The following TP63 variants were observed in gnomAD, a reference collection of about 807,000 sequenced individuals.
The protein encoded by TP63 is tumor protein p63.
A neutral mutation model predicts 82.8 loss-of-function variants in TP63; 17 were observed. That is an observed-to-expected ratio of 0.21 (90% confidence interval 0.14 to 0.31). TP63 has a LOEUF of 0.31. Ranked by LOEUF, TP63 falls within the 10% of genes least tolerant of loss-of-function variation. The pLI is 1.00. For synonymous variants in TP63, 330 were observed against 321.7 expected (o/e 1.03, Z -0.28); for missense variants, 648 against 895.3 (o/e 0.72, Z 3.52).
At chr3:189,768,899 C>G (rs887928517) in intron 3 of TP63, among the ~76,000 whole-genome samples, 3 of 152,104 alleles carry the variant, frequency 2.0e-5, no homozygotes, top group Non-Finnish European at 4.4e-5. Flanking sequence ...TAGGTATGTT[C>G]ACGAAGATGA....
intron 3 of TP63, among the ~76,000 whole-genome samples, chr3:189,770,339 G>C (rs527613711): frequency 1.3e-5 from 2 of 152,232 alleles, no homozygotes; most frequent in South Asian, 4.1e-4. Context: ...AGCACTTTGG[G>C]AGGCCGAGGC....
chr3:189,750,867 G>T (rs966383503), intron 3 of TP63, among the ~76,000 whole-genome samples: 1 of 151,916 alleles, frequency 6.6e-6, no homozygotes, highest in African/African-American at 2.4e-5. Flanking sequence ...TGTGCACCAC[G>T]TGTAGGTTTG....
At chr3:189,776,816 C>T (rs371814984) in intron 3 of TP63, among the ~76,000 whole-genome samples, 45 of 152,308 alleles carry the variant, frequency 3.0e-4, no homozygotes, top group East Asian at 1.9e-3. Context: ...GGACTTGGCA[C>T]ACTTCTCTAC....
chr3:189,884,191 C>T (rs149893823), intron 10 of TP63, among the ~76,000 whole-genome samples: 3 of 152,244 alleles, frequency 2.0e-5, no homozygotes, highest in African/African-American at 7.2e-5. Flanking sequence ...TACTGCCTTG[C>T]CCCAAGCTTT....
intron 3 of TP63, among the ~76,000 whole-genome samples, chr3:189,772,433 A>G (rs1400653520): frequency 2.0e-5 from 3 of 152,230 alleles, no homozygotes; most frequent in Non-Finnish European, 4.4e-5. Flanking sequence ...TAGATGCTGT[A>G]TAAAATCTCT....
At chr3:189,867,110 G>C (rs554323455) in intron 6 of TP63, among the ~76,000 whole-genome samples, 2 of 152,276 alleles carry the variant, frequency 1.3e-5, no homozygotes, top group South Asian at 4.1e-4. Context: ...AGTTGGACGG[G>C]TAGTGGATAA....
At chr3:189,712,202 C>T (rs538584444) in intron 1 of TP63, among the ~76,000 whole-genome samples, 5 of 152,226 alleles carry the variant, frequency 3.3e-5, no homozygotes, top group East Asian at 1.9e-4. Context: ...GAAACAGACA[C>T]GTAAACAACT....
chr3:189,621,862 C>T, the TP63 span, among the ~76,000 whole-genome samples: 1 of 152,132 alleles, frequency 6.6e-6, no homozygotes, highest in Non-Finnish European at 1.5e-5. Flanking sequence ...AAATCAGTAG[C>T]AGAGCAACAG....
At chr3:189,720,487 C>G (rs1411987094) in intron 1 of TP63, among the ~76,000 whole-genome samples, 3 of 152,080 alleles carry the variant, frequency 2.0e-5, no homozygotes, top group Non-Finnish European at 4.4e-5. Context: ...TGAATCCCAG[C>G]ACTTTGGGAG....
At chr3:189,676,646 A>C (rs1015983302) in intron 1 of TP63, among the ~76,000 whole-genome samples, 2 of 152,134 alleles carry the variant, frequency 1.3e-5, no homozygotes, top group East Asian at 3.9e-4. Flanking sequence ...TTACATGGAT[A>C]CATTGGATAG....
At chr3:189,775,048 G>C (rs991947396) in intron 3 of TP63, among the ~76,000 whole-genome samples, 1 of 151,800 alleles carries the variant, frequency 6.6e-6, no homozygotes, top group Non-Finnish European at 1.5e-5. Flanking sequence ...GTGAAACCTC[G>C]TCTCTACTAC....
chr3:189,607,451 G>T, the TP63 span, among the ~76,000 whole-genome samples: 2 of 152,094 alleles, frequency 1.3e-5, no homozygotes, highest in African/African-American at 2.4e-5. Flanking sequence ...AAGGTTATTT[G>T]TGAGAAGGTA....
intron 1 of TP63, among the ~76,000 whole-genome samples, chr3:189,721,497 C>T (rs117713100): frequency 0.011 from 1,684 of 151,818 alleles, 24 homozygotes; most frequent in East Asian, 0.058. Context: ...CTGCATTGCC[C>T]GTTGTGATTG....
rs372497938 is a variant in TP63, at chr3:189,770,315, A to G, written c.324+31541A>G. 1.4e-3 allele frequency among the ~76,000 whole-genome samples: 218 copies of G among 152,330 alleles called. 1 individual carries two copies. Among genetic ancestry groups the G allele is most frequent in the African/African-American group, 5.1e-3 (212 of 41,570 alleles). On this transcript the variant is annotated intron_variant, in intron 3 of 13. Transcript: ENST00000264731. ...TATTTTGGGCCGGGTATGGTGACTCATGCCTGCAATCCCAGCACTTTGGGA... is the reference window on the plus strand; with the variant it reads ...TATTTTGGGCCGGGTATGGTGACTCGTGCCTGCAATCCCAGCACTTTGGGA...
chr3:189,725,300 TA>T (rs1719692447), intron 1 of TP63, among the ~76,000 whole-genome samples: 1 of 152,178 alleles, frequency 6.6e-6, no homozygotes, highest in Non-Finnish European at 1.5e-5. Context: ...ACAGACCCTG[TA>T]AAGTCCACTT....
At chr3:189,616,239 A>G in the TP63 span, among the ~76,000 whole-genome samples, 1 of 152,194 alleles carries the variant, frequency 6.6e-6, no homozygotes, top group Non-Finnish European at 1.5e-5. Context: ...AACTAGCTTC[A>G]TTTCCTGCAT....
At chr3:189,649,183 A>G (rs1004984132) in intron 1 of TP63, among the ~76,000 whole-genome samples, 1 of 146,936 alleles carries the variant, frequency 6.8e-6, no homozygotes, top group African/African-American at 2.6e-5. Context: ...ACAGATATAT[A>G]CAGAGAAAAT....
At chr3:189,768,422 T>G (rs1177440248) in intron 3 of TP63, among the ~76,000 whole-genome samples, 1 of 152,156 alleles carries the variant, frequency 6.6e-6, no homozygotes, top group Non-Finnish European at 1.5e-5. Context: ...TTCTCATGAT[T>G]ATGTAATTCT....
At chr3:189,598,589 C>A in the TP63 span, among the ~76,000 whole-genome samples, 3 of 152,200 alleles carry the variant, frequency 2.0e-5, no homozygotes, top group African/African-American at 7.2e-5. Context: ...CTTATTTCAA[C>A]ATTATGAAAC....
Sources: allele counts gnomAD v4.1 joint callset (sites outside exome capture counted in the v4.1 genomes callset), GRCh38; gene constraint gnomAD v4.1.1; transcripts MANE v1.5; gene names NCBI Gene and HGNC (gene_info 2026-07-23, HGNC 2026-07-21).